CRMP1: variants seen among roughly 807,000 people sequenced by gnomAD.
CRMP1 encodes the protein dihydropyrimidinase-related protein 1.
CRMP1 carries 19 observed loss-of-function variants against 68.3 expected under a neutral mutation model. That is an observed-to-expected ratio of 0.28 (90% CI 0.19 to 0.41). CRMP1 has a LOEUF of 0.41. CRMP1 is among the 10% of genes least tolerant of loss of function. CRMP1 has a pLI of 1.00. For missense variants in CRMP1, 791 were observed against 967.4 expected (o/e 0.82, Z 2.42); for synonymous variants, 439 against 399.6 (o/e 1.10, Z -1.18).
At position 5,828,868 on chromosome 4, in the gene CRMP1, A is replaced by C. The variant is rs377095520; in HGVS notation, c.1624-200T>G. 3.3e-5 allele frequency among the ~76,000 whole-genome samples: 5 copies of C among 152,078 alleles called. No homozygotes were observed. The East Asian group carries it at 7.7e-4, about 23-fold the overall frequency. ...ACCAACAACTCACCGTTGCGCATGT[A>C]GGCTGCCGGTGGCTTTCTATAATCA... On this transcript the variant is annotated intron_variant, in intron 11 of 13. Transcript: ENST00000324989.
chr4:5,844,674 T>A (rs993408367), intron 6 of CRMP1, among the ~76,000 whole-genome samples: 1 of 152,204 alleles, frequency 6.6e-6, no homozygotes, highest in Non-Finnish European at 1.5e-5. Flanking sequence ...CAGCTAAATC[T>A]CTGCTGGCAG....
Position 5,889,512 on chromosome 4 carries a change from C to A in CRMP1, c.381+3077G>T. 2.0e-6 allele frequency: 3 copies of A among 1,498,948 alleles called. No homozygotes were observed. The highest frequency in any genetic ancestry group is 2.4e-5 in the South Asian group (2 of 83,028). The allele number at this position is 1,498,948 out of a possible 1,614,324, so 92.9% of individuals were successfully genotyped here. ...AGCCAGGTCACAGCTTGACAAGGTC[C>A]GTAACAGCAGAGGGGAAAAGATGAA... On this transcript the variant is annotated intron_variant, in intron 1 of 13. Coordinates refer to ENST00000324989, the MANE Select transcript of CRMP1 (RefSeq NM_001014809.3). The surrounding 1 kb of genome is among the most constrained non-coding windows in gnomAD (Gnocchi z 4.5).
chr4:5,868,364 C>A (rs981077388), intron 1 of CRMP1, among the ~76,000 whole-genome samples: 1 of 148,112 alleles, frequency 6.8e-6, no homozygotes, highest in Non-Finnish European at 1.5e-5. Context: ...TGCAGTGGCA[C>A]GATTTCAGCT....
At position 5,821,817 on chromosome 4, in the gene CRMP1, G is replaced by C; in HGVS notation, c.2004C>G (p.Thr668=). 4.3e-6 allele frequency: 7 copies of C among 1,610,082 alleles called. No homozygotes were observed. The change falls in exon 14 of 14, where the codon ACC becomes ACG. Residue 668 remains threonine, a synonymous_variant. Transcript: ENST00000324989. This position sits in a 1 kb window ranked among gnomAD's most constrained non-coding sequence, Gnocchi z 4.4. ...CAGGGGGCGCCACGATGCGGTGGCC[G>C]GTGCGCCTGGGATTGTTGTCATCTA... ...AQIDDNNPRR[T]GHRIVAPPGG...
rs953823083 is a variant in CRMP1 at position 5,877,024 on chromosome 4, G to C, written c.382-10268C>G. 8.5e-5 allele frequency among the ~76,000 whole-genome samples: 13 copies of C among 152,286 alleles called. No individual in the cohort carries two copies. The South Asian group carries it at 2.7e-3, about 32-fold the overall frequency. ...TGCCCATGTGACCTGCTTTGGCTGG[G>C]AGTGCACCAGTCTGAGCACAAGCTT... On this transcript the variant is annotated intron_variant, in intron 1 of 13. Transcript: ENST00000324989. This position sits in a 1 kb window ranked among gnomAD's most constrained non-coding sequence, Gnocchi z 4.3.
rs569892411 is a variant in CRMP1 at position 5,889,595 on chromosome 4, C to T, written c.381+2994G>A. The T allele has an allele frequency of 1.3e-6, 2 of 1,536,150 alleles. No homozygotes were observed. The highest frequency in any genetic ancestry group is 4.9e-5 in the East Asian group (2 of 40,924). On this transcript the variant is annotated intron_variant, in intron 1 of 13. Coordinates refer to ENST00000324989, the MANE Select transcript of CRMP1 (RefSeq NM_001014809.3). The surrounding 1 kb of genome is among the most constrained non-coding windows in gnomAD (Gnocchi z 4.5). ...GCCCCAACCTCACTGGACAGGTGCC[C>T]CAAGTTCCCAGGCAGAATAAAACAC...
chr4:5,838,733 G>T lies in CRMP1; in HGVS notation c.1310+789C>A, dbSNP rs192583928. Among the ~76,000 whole-genome samples, 1 of 152,124 alleles carries T rather than the reference G, an allele frequency of 6.6e-6. No individual in the cohort carries two copies. The highest frequency in any genetic ancestry group is 2.4e-5 in the African/African-American group (1 of 41,424). Reference sequence around the variant, plus strand: ...AAGGTTTCTGTATCATCAGGGGGATGGTGATTTCCACGTGGGCGCACACCA... The same window carrying T: ...AAGGTTTCTGTATCATCAGGGGGATTGTGATTTCCACGTGGGCGCACACCA... On this transcript the variant is annotated intron_variant, in intron 9 of 13. Transcript: ENST00000324989. This position sits in a 1 kb window ranked among gnomAD's most constrained non-coding sequence, Gnocchi z 4.9.
chr4:5,880,859 T>C (rs1715178480), intron 1 of CRMP1, among the ~76,000 whole-genome samples: 1 of 152,212 alleles, frequency 6.6e-6, no homozygotes, highest in African/African-American at 2.4e-5. Context: ...TCCACAATCT[T>C]GCTCCCATTC....
intron 4 of CRMP1, among the ~76,000 whole-genome samples, chr4:5,852,111 C>T (rs1712702401): frequency 6.6e-6 from 1 of 152,196 alleles, no homozygotes; most frequent in Non-Finnish European, 1.5e-5. Flanking sequence ...AGACATTAGT[C>T]ATGCAGCTTC....
chr4:5,865,978 A>G lies in CRMP1; in HGVS notation c.470+690T>C, dbSNP rs1261770357. 6.6e-6 allele frequency among the ~76,000 whole-genome samples: 1 copy of G among 152,116 alleles called. No individual in the cohort carries two copies. The highest frequency in any genetic ancestry group is 1.5e-5 in the Non-Finnish European group (1 of 68,022). ...TTCAGGAAGGCCTCAGGAAGAACCA[A>G]CCCTGACGGCAGCTTGATCCGGGAC... On this transcript the variant is annotated intron_variant, in intron 2 of 13. Transcript: ENST00000324989. The surrounding 1 kb of genome is among the most constrained non-coding windows in gnomAD (Gnocchi z 4.1).
rs138405016 is a variant in CRMP1 at position 5,834,633 on chromosome 4, C to A, written c.1623+1282G>T. On this transcript the variant is annotated intron_variant, in intron 11 of 13. Transcript: ENST00000324989. The surrounding 1 kb of genome is among the most constrained non-coding windows in gnomAD (Gnocchi z 4.3). The stretch of plus-strand genomic sequence containing the variant: ...CCAAGACACCCTCTCACTGGCAAGA[C>A]CCTCTCAGACGCTCTCCCATTGCCT... Among the ~76,000 whole-genome samples the A allele has an allele frequency of 3.8e-3, 577 of 152,330 alleles. 4 individuals carry two copies. The highest frequency in any genetic ancestry group is 0.013 in the African/African-American group (544 of 41,568).
At position 5,825,949 on chromosome 4, in the gene CRMP1, T is replaced by C. The variant is rs73206231; in HGVS notation, c.1804-290A>G. ...TCACATACATGCAGTCATGCACACA[T>C]ATATGCATGCACATGCAGTAACAAA... On this transcript the variant is annotated intron_variant, in intron 12 of 13. Transcript: ENST00000324989. The surrounding 1 kb of genome is among the most constrained non-coding windows in gnomAD (Gnocchi z 4.4). The C allele has an allele frequency of 0.03, 13,466 of 444,158 alleles. 266 individuals are homozygous for C. The highest frequency in any genetic ancestry group is 0.052 in the African/African-American group (2,463 of 47,404). The allele number at this position is 444,158 out of a possible 1,614,324, so 27.5% of individuals were successfully genotyped here.
intron 11 of CRMP1, among the ~76,000 whole-genome samples, chr4:5,833,523 T>C (rs1447057764): frequency 1.3e-5 from 2 of 150,146 alleles, no homozygotes; most frequent in Non-Finnish European, 2.9e-5. Flanking sequence ...TGTGGCACTT[T>C]ATAACAGCGT....
intron 6 of CRMP1, among the ~76,000 whole-genome samples, chr4:5,847,666 C>G (rs1024894761): frequency 2.0e-5 from 3 of 152,158 alleles, no homozygotes; most frequent in Admixed American, 2.0e-4. Context: ...AATGGTGAAG[C>G]TTTAGATCTC....
chr4:5,880,805 A>C (rs1444614809), intron 1 of CRMP1, among the ~76,000 whole-genome samples: 2 of 152,194 alleles, frequency 1.3e-5, no homozygotes. Context: ...CTTGTTAAGG[A>C]AGACTAAATG....
chr4:5,825,404 G>A lies in CRMP1; in HGVS notation c.1969+90C>T, dbSNP rs999730795. Reference sequence around the variant, plus strand: ...CCCTGCTTCTTCATCTAGTGTCCAAGGCCACGTGTCCATTTCCTCAGAAGC... The same window carrying A: ...CCCTGCTTCTTCATCTAGTGTCCAAAGCCACGTGTCCATTTCCTCAGAAGC... On this transcript the variant is annotated intron_variant, in intron 13 of 13. Transcript: ENST00000324989. This position sits in a 1 kb window ranked among gnomAD's most constrained non-coding sequence, Gnocchi z 4.4. 2.7e-5 allele frequency: 40 copies of A among 1,488,226 alleles called. No individual in the cohort carries two copies. The highest frequency in any genetic ancestry group is 3.6e-5 in the Non-Finnish European group (40 of 1,126,220). 92.2% of individuals were successfully genotyped at this position (1,488,226 alleles called of 1,614,324 possible). A position where few individuals can be genotyped will look rare whatever the true frequency, so the allele number is the denominator to read the frequency against.
At chr4:5,837,692 T>TA (rs1309447744) in intron 9 of CRMP1, among the ~76,000 whole-genome samples, 1 of 150,004 alleles carries the variant, frequency 6.7e-6, no homozygotes, top group Non-Finnish European at 1.5e-5. Flanking sequence ...TAAAATAAAA[T>TA]AAAATAAAAA....
chr4:5,881,125 G>T lies in CRMP1; in HGVS notation c.381+11464C>A, dbSNP rs1055271319. ...CATGGTGTGCCAGGTCAAGGCGAAT[G>T]CTCTGGATGCCTGGGACACAGGCCC... On this transcript the variant is annotated intron_variant, in intron 1 of 13. Transcript: ENST00000324989. The surrounding 1 kb of genome is among the most constrained non-coding windows in gnomAD (Gnocchi z 4.6). Among the ~76,000 whole-genome samples the T allele has an allele frequency of 6.6e-6, 1 of 152,236 alleles. No homozygotes were observed. Among genetic ancestry groups the T allele is most frequent in the African/African-American group, 2.4e-5 (1 of 41,462 alleles).
rs1340378302 is a variant in CRMP1, at chr4:5,865,283, A to ACAACT, written c.470+1380_470+1384dup. 6.6e-6 allele frequency among the ~76,000 whole-genome samples: 1 copy of ACAACT among 152,044 alleles called. No homozygotes were observed. The highest frequency in any genetic ancestry group is 2.4e-5 in the African/African-American group (1 of 41,378). ...GCTGAGCACCCAGCAAATCCAGGTT[A>ACAACT]CAACTCACAGAAAGAGAACTGCCCT... On this transcript the variant is annotated intron_variant, in intron 2 of 13. Coordinates refer to ENST00000324989, the MANE Select transcript of CRMP1 (RefSeq NM_001014809.3). The surrounding 1 kb of genome is among the most constrained non-coding windows in gnomAD (Gnocchi z 4.1).
Sources: gnomAD v4.1 joint callset for allele counts (sites outside exome capture counted in the v4.1 genomes callset) on GRCh38, gnomAD v4.1.1 for gene constraint, Gnocchi (gnomAD v3.1) non-coding constraint, MANE v1.5 for transcripts, NCBI Gene and HGNC (gene_info 2026-07-23, HGNC 2026-07-21) for gene names.